The following LRMDA variants were observed in gnomAD, a reference collection of about 807,000 sequenced individuals.
LRMDA encodes leucine rich melanocyte differentiation associated.
LRMDA carries 18 observed loss-of-function variants against 29.8 expected under a neutral mutation model. The observed-to-expected ratio is 0.60, with a 90% confidence interval of 0.42 to 0.90. The LOEUF is 0.90. Ranked by LOEUF, LRMDA falls within the 40% of genes least tolerant of loss-of-function variation. The pLI is 0.00. For missense variants in LRMDA, 273 were observed against 273.9 expected, an observed-to-expected ratio of 1.00 and a Z score of 0.02; for synonymous variants, 125 against 109.4, an observed-to-expected ratio of 1.14 and a Z score of -0.89.
At position 76,251,498 on chromosome 10, in the gene LRMDA, C is replaced by T. The variant is rs918046391; in HGVS notation, c.517-72903C>T. ...CGATCTCCTGACCTCATGATCCACC[C>T]GCCTCGGCCTCCCAAAGTGCTGGGA... On this transcript the variant is annotated intron_variant, in intron 5 of 6. Transcript: ENST00000611255. Among the ~76,000 whole-genome samples, 7 of 150,544 alleles carry T rather than the reference C, an allele frequency of 4.6e-5. No homozygotes were observed. The East Asian group carries it at 7.9e-4, about 17-fold the overall frequency.
chr10:76,095,147 C>T (rs1439201545), intron 5 of LRMDA, among the ~76,000 whole-genome samples: 2 of 152,186 alleles, frequency 1.3e-5, no homozygotes, highest in Non-Finnish European at 2.9e-5. Flanking sequence ...CATCCCCAAC[C>T]ATCCCTACCA....
Position 75,884,548 on chromosome 10 carries a change from G to A in LRMDA, c.132-151460G>A, listed in dbSNP as rs545269707. On this transcript the variant is annotated intron_variant, in intron 2 of 6. Coordinates refer to ENST00000611255, the MANE Select transcript of LRMDA (RefSeq NM_001305581.2). ...AGAAGATCAGAAACTAAGATGACTT[G>A]GAGCCAACTAGAATGAGATCATGGA... Among the ~76,000 whole-genome samples the A allele has an allele frequency of 1.1e-4, 16 of 152,252 alleles. No individual in the cohort carries two copies. In the South Asian group the frequency reaches 3.3e-3, roughly 32 times the overall value.
chr10:76,016,021 C>A (rs1170022573), intron 2 of LRMDA, among the ~76,000 whole-genome samples: 1 of 152,170 alleles, frequency 6.6e-6, no homozygotes, highest in African/African-American at 2.4e-5. Flanking sequence ...GGCATATAAT[C>A]ATATATTGCT....
rs1165196224 is a variant in LRMDA, at chr10:75,662,133, TG to T, written c.131+223640del. 3.3e-5 allele frequency among the ~76,000 whole-genome samples: 5 copies of T among 152,212 alleles called. No homozygotes were observed. In the South Asian group the frequency reaches 6.2e-4, roughly 19 times the overall value. ...CTGCTTTTTTTTTTTCTGCCAAAAT[TG>T]CTTGAGTTTTCCATTCATTGTCATT... On this transcript the variant is annotated intron_variant, in intron 2 of 6. Transcript: ENST00000611255.
At chr10:76,373,963 T>G (rs1841486196) in intron 6 of LRMDA, among the ~76,000 whole-genome samples, 1 of 152,174 alleles carries the variant, frequency 6.6e-6, no homozygotes, top group African/African-American at 2.4e-5. Context: ...ATGGCAAAGC[T>G]TGGAAAAATA....
At chr10:75,817,814 G>T (rs1288217943) in intron 2 of LRMDA, among the ~76,000 whole-genome samples, 1 of 152,184 alleles carries the variant, frequency 6.6e-6, no homozygotes, top group Non-Finnish European at 1.5e-5. Flanking sequence ...AATATTATTT[G>T]CTGTAAGAGA....
intron 2 of LRMDA, among the ~76,000 whole-genome samples, chr10:75,973,691 A>T (rs915695726): frequency 6.6e-6 from 1 of 152,158 alleles, no homozygotes; most frequent in Non-Finnish European, 1.5e-5. Flanking sequence ...AAGTGCTGGG[A>T]TTACAGGTGT....
At chr10:75,747,876 C>T (rs1270227705) in intron 2 of LRMDA, among the ~76,000 whole-genome samples, 2 of 152,028 alleles carry the variant, frequency 1.3e-5, no homozygotes, top group Non-Finnish European at 2.9e-5. Flanking sequence ...AAAATTAAAT[C>T]AATTTTTTTA....
At chr10:76,133,395 CG>C (rs1339698967) in intron 5 of LRMDA, among the ~76,000 whole-genome samples, 1 of 151,972 alleles carries the variant, frequency 6.6e-6, no homozygotes, top group Non-Finnish European at 1.5e-5. Context: ...TGATGTTAAG[CG>C]TCACTTAGGC....
At chr10:75,757,350 T>C (rs892592731) in intron 2 of LRMDA, among the ~76,000 whole-genome samples, 4 of 152,132 alleles carry the variant, frequency 2.6e-5, no homozygotes, top group African/African-American at 4.8e-5. Flanking sequence ...GGCTTGGAGA[T>C]GGGATGCAGT....
chr10:75,924,456 T>C (rs761614112), intron 2 of LRMDA, among the ~76,000 whole-genome samples: 2 of 151,892 alleles, frequency 1.3e-5, no homozygotes, highest in Non-Finnish European at 2.9e-5. Flanking sequence ...ATGGATGGCT[T>C]GTCAAAAAAA....
chr10:76,383,282 C>T (rs1401998589), intron 6 of LRMDA, among the ~76,000 whole-genome samples: 1 of 152,130 alleles, frequency 6.6e-6, no homozygotes, highest in Non-Finnish European at 1.5e-5. Flanking sequence ...GGAGGTTTCT[C>T]CTGAACCTTC....
intron 2 of LRMDA, among the ~76,000 whole-genome samples, chr10:75,974,119 C>G (rs183521218): frequency 6.6e-6 from 1 of 152,146 alleles, no homozygotes; most frequent in South Asian, 2.1e-4. Flanking sequence ...TTCCATTGTC[C>G]CCAGTTTTCT....
chr10:76,449,931 A>C (rs1842389846), intron 6 of LRMDA, among the ~76,000 whole-genome samples: 1 of 151,976 alleles, frequency 6.6e-6, no homozygotes, highest in South Asian at 2.1e-4. Context: ...ACTTTTCCAG[A>C]CTTTGAATTT....
At chr10:75,567,780 A>G (rs970521521) in intron 2 of LRMDA, among the ~76,000 whole-genome samples, 5 of 152,186 alleles carry the variant, frequency 3.3e-5, no homozygotes, top group African/African-American at 1.2e-4. Flanking sequence ...ATGATCCCCC[A>G]GTATTTTATC....
At chr10:76,055,884 T>C (rs1199508278) in intron 4 of LRMDA, among the ~76,000 whole-genome samples, 3 of 152,162 alleles carry the variant, frequency 2.0e-5, no homozygotes, top group Non-Finnish European at 2.9e-5. Flanking sequence ...AGCTGTTAGG[T>C]CTGGGCTCCC....
intron 2 of LRMDA, among the ~76,000 whole-genome samples, chr10:75,891,691 G>A (rs1247616404): frequency 6.6e-6 from 1 of 152,194 alleles, no homozygotes; most frequent in Non-Finnish European, 1.5e-5. Flanking sequence ...GTGGATCAGA[G>A]TGTGATTGCC....
intron 5 of LRMDA, among the ~76,000 whole-genome samples, chr10:76,083,645 A>G (rs965283442): frequency 6.6e-6 from 1 of 152,162 alleles, no homozygotes; most frequent in Non-Finnish European, 1.5e-5. Context: ...CCTGGCCAAC[A>G]TGGTGAAACC....
chr10:76,331,818 A>G (rs930755818), intron 6 of LRMDA, among the ~76,000 whole-genome samples: 3 of 152,214 alleles, frequency 2.0e-5, no homozygotes, highest in African/African-American at 7.2e-5. Flanking sequence ...TTATGGGCTT[A>G]TAATCTTGGT....
Sources: gnomAD v4.1 joint callset for allele counts (sites outside exome capture counted in the v4.1 genomes callset) on GRCh38, gnomAD v4.1.1 for gene constraint, MANE v1.5 for transcripts, NCBI Gene and HGNC (gene_info 2026-07-23, HGNC 2026-07-21) for gene names.